TMED10: variants seen among roughly 807,000 people sequenced by gnomAD.
TMED10 encodes transmembrane emp24 domain-containing protein 10.
Under a neutral mutation model 23.1 loss-of-function variants are expected in TMED10, and 7 were observed. That is an observed-to-expected ratio of 0.30 (90% CI 0.17 to 0.57). TMED10 has a LOEUF of 0.57. TMED10 is among the 20% of genes least tolerant of loss of function. TMED10 has a pLI of 0.91. For missense variants in TMED10, 162 were observed against 274.8 expected, an observed-to-expected ratio of 0.59 and a Z score of 2.90; for synonymous variants, 113 against 106.9, an observed-to-expected ratio of 1.06 and a Z score of -0.35.
At chr14:75,144,608 G>C (rs909594906) in intron 3 of TMED10, among the ~76,000 whole-genome samples, 1 of 152,168 alleles carries the variant, frequency 6.6e-6, no homozygotes, top group Admixed American at 6.5e-5. Flanking sequence ...TCAGAATTAT[G>C]AGTCCACAGA....
At position 75,138,825 on chromosome 14, in the gene TMED10, T is replaced by TTA. The variant is rs1555355602; in HGVS notation, c.412-2940_412-2939insTA. ...CAGCCTTTGCTTCTTTTTTTTTTTTTTTTTTTTATTTTTGTTGTTGTTGTT... is the reference window on the plus strand; with the variant it reads ...CAGCCTTTGCTTCTTTTTTTTTTTTTTATTTTTTTATTTTTGTTGTTGTTGTT... On this transcript the variant is annotated intron_variant, in intron 3 of 4. Coordinates refer to ENST00000303575, the MANE Select transcript of TMED10 (RefSeq NM_006827.6). Among the ~76,000 whole-genome samples the TTA allele has an allele frequency of 1.1e-3, 162 of 141,684 alleles. 2 individuals are homozygous for TTA. The highest frequency in any genetic ancestry group is 1.7e-3 in the Admixed American group (24 of 14,372). 93.0% of individuals were successfully genotyped at this position (141,684 alleles called of 152,430 possible).
intron 2 of TMED10, 134 bp from the exon 3 acceptor site, chr14:75,147,871 G>A (rs1381225850): frequency 1.3e-6 from 1 of 762,158 alleles, no homozygotes; most frequent in East Asian, 2.8e-5. Context: ...TCCTCCCCCT[G>A]CTCAGTTGCA....
intron 1 of TMED10, chr14:75,175,857 C>CA (rs1257259973): frequency 6.1e-6 from 1 of 162,780 alleles, no homozygotes; most frequent in Non-Finnish European, 1.3e-5. Flanking sequence ...CTACCTACTT[C>CA]ATAGGGTAGT....
rs185704078 is a variant in TMED10 at position 75,141,721 on chromosome 14, T to C, written c.412-5835A>G. 8.6e-3 allele frequency among the ~76,000 whole-genome samples: 1,312 copies of C among 152,312 alleles called. 8 individuals carry two copies. The highest frequency in any genetic ancestry group is 0.013 in the Non-Finnish European group (890 of 68,028). On this transcript the variant is annotated intron_variant, in intron 3 of 4. Coordinates refer to ENST00000303575, the MANE Select transcript of TMED10 (RefSeq NM_006827.6). ...TAGAAATTTAATAAAGAAAACCAGA[T>C]GAGTATACTAAGTTTTTCCTGAATC...
intron 1 of TMED10, among the ~76,000 whole-genome samples, chr14:75,154,401 C>CA (rs1166201835): frequency 0.38 from 5,824 of 15,164 alleles, 2,647 homozygotes; most frequent in South Asian, 0.44. Flanking sequence ...GACTCTGTCT[C>CA]AAAAAAAAAA....
chr14:75,165,801 A>C (rs554682854), intron 1 of TMED10, among the ~76,000 whole-genome samples: 1 of 152,334 alleles, frequency 6.6e-6, no homozygotes, highest in Non-Finnish European at 1.5e-5. Flanking sequence ...ATAGTACATA[A>C]GTATTGCTTA....
rs1371424139 is a variant in TMED10 at position 75,147,736 on chromosome 14, T to A, written c.339A>T (p.Gly113=). Residue 113 remains glycine (G), a splice_region_variant and synonymous_variant, in exon 3 of 5, where the codon GGA becomes GGT. Coordinates refer to ENST00000303575, the MANE Select transcript of TMED10 (RefSeq NM_006827.6). ...DMFEVCFESK[G]TGRIPDQLVI... Reference sequence around the variant, plus strand: ...CGAGTTGGTCAGGTATCCGCCCTGTTCCTGAGAAAGAAATCAAAGGAATCA... The same window carrying A: ...CGAGTTGGTCAGGTATCCGCCCTGTACCTGAGAAAGAAATCAAAGGAATCA... The A allele has an allele frequency of 1.2e-6, 2 of 1,613,960 alleles. No homozygotes were observed. Among genetic ancestry groups the A allele is most frequent in the East Asian group, 4.5e-5 (2 of 44,894 alleles).
chr14:75,136,217 G>A (rs1895747861), intron 3 of TMED10, among the ~76,000 whole-genome samples: 2 of 151,806 alleles, frequency 1.3e-5, no homozygotes, highest in East Asian at 1.9e-4. Flanking sequence ...GGAGTGCAGT[G>A]GCACAGTCTT....
At chr14:75,147,311 C>T (rs192590498) in intron 3 of TMED10, among the ~76,000 whole-genome samples, 225 of 151,840 alleles carry the variant, frequency 1.5e-3, no homozygotes, top group African/African-American at 5.2e-3. Context: ...GCCTCAGCCT[C>T]CCGAGTAGAC....
intron 4 of TMED10, 58 bp from the exon 5 acceptor site, chr14:75,135,064 A>T: frequency 1.2e-6 from 2 of 1,603,926 alleles, no homozygotes; most frequent in South Asian, 2.2e-5. Flanking sequence ...AGCTGGCTAA[A>T]CAATGGCAGG....
At chr14:75,168,914 A>AG (rs1229107839) in intron 1 of TMED10, among the ~76,000 whole-genome samples, 8 of 152,188 alleles carry the variant, frequency 5.3e-5, no homozygotes, top group African/African-American at 1.9e-4. Context: ...ACTTTTGGTG[A>AG]GGGGGAAAAA....
rs1895708111 is a variant in TMED10 at position 75,133,160 on chromosome 14, T to G, written c.*1725A>C. On this transcript the variant is annotated 3_prime_UTR_variant, in exon 5 of 5. Coordinates refer to ENST00000303575, the MANE Select transcript of TMED10 (RefSeq NM_006827.6). ...CACTGAAGGACAGGAATTAAGTAAG[T>G]GACTGGCCATGCAAGGGTTGGAAAT... The G allele has an allele frequency of 6.6e-6, 1 of 152,200 alleles. No homozygotes were observed. The highest frequency in any genetic ancestry group is 6.5e-5 in the Admixed American group (1 of 15,268). 9.4% of individuals were successfully genotyped at this position (152,200 alleles called of 1,614,324 possible). A position where few individuals can be genotyped will look rare whatever the true frequency, so the allele number is the denominator to read the frequency against.
chr14:75,176,456 T>TG lies in TMED10; in HGVS notation c.123dup (p.Lys42GlnfsTer5). On this transcript the variant is annotated frameshift_variant, in exon 1 of 5. Transcript: ENST00000303575. LOFTEE classifies it high-confidence loss of function. ...TTGTGAATCTCCTCACGGAGGCACT[T>TG]GCGAGAGTTAATGGGCAGATGGAAG... 6.2e-7 allele frequency: 1 copy of TG among 1,614,174 alleles called. No homozygotes were observed. Among genetic ancestry groups the TG allele is most frequent in the Non-Finnish European group, 8.5e-7 (1 of 1,180,024 alleles).
At chr14:75,172,310 T>G (rs2139863933) in intron 1 of TMED10, among the ~76,000 whole-genome samples, 1 of 151,026 alleles carries the variant, frequency 6.6e-6, no homozygotes, top group East Asian at 1.9e-4. Context: ...GAATCATTGT[T>G]CTTTTTTTTT....
At chr14:75,175,739 A>G (rs1896296836) in intron 1 of TMED10, among the ~76,000 whole-genome samples, 1 of 151,968 alleles carries the variant, frequency 6.6e-6, no homozygotes, top group Non-Finnish European at 1.5e-5. Context: ...TTAAAGTATA[A>G]TAATAATTTT....
intron 1 of TMED10, among the ~76,000 whole-genome samples, chr14:75,154,110 C>T (rs1414350502): frequency 6.7e-6 from 1 of 149,588 alleles, no homozygotes; most frequent in Non-Finnish European, 1.5e-5. Flanking sequence ...GGTAGCTCTG[C>T]CAGGTGCAGT....
In TMED10 at chr14:75,143,479, T is replaced by C. The variant is rs1436677983; in HGVS notation, c.411+4185A>G. On this transcript the variant is annotated intron_variant, in intron 3 of 4. Coordinates refer to ENST00000303575, the MANE Select transcript of TMED10 (RefSeq NM_006827.6). Reference sequence around the variant, plus strand: ...TCTAACCTCTAGGGAATCTCTAAATTCTTTTCCTTGGTGGAGCATCAAGAT... The same window carrying C: ...TCTAACCTCTAGGGAATCTCTAAATCCTTTTCCTTGGTGGAGCATCAAGAT... 2.0e-5 allele frequency among the ~76,000 whole-genome samples: 3 copies of C among 152,174 alleles called. No individual in the cohort carries two copies. In the East Asian group the frequency reaches 5.8e-4, roughly 29 times the overall value.
Position 75,176,612 on chromosome 14 carries a change from C to T in TMED10, c.-33G>A, listed in dbSNP as rs747771265. 6 of 1,611,130 alleles carry T rather than the reference C, an allele frequency of 3.7e-6. No homozygotes were observed. The African/African-American group carries it at 6.7e-5, about 18-fold the overall frequency. On this transcript the variant is annotated 5_prime_UTR_variant, in exon 1 of 5. Transcript: ENST00000303575. ...GAGACTCGTTCACCACCGAAGGCCT[C>T]AACCGCGCCGGAACCGGGGGGACCC... is the stretch of plus-strand genomic sequence containing the variant.
Position 75,133,919 on chromosome 14 carries a change from G to C in TMED10, c.*966C>G. ...ATAAAACATTTTTAAAAGAAAAAAAGGAAGAAACTATTCATACATGCAACA... is the reference window on the plus strand; with the variant it reads ...ATAAAACATTTTTAAAAGAAAAAAACGAAGAAACTATTCATACATGCAACA... On this transcript the variant is annotated 3_prime_UTR_variant, in exon 5 of 5. Transcript: ENST00000303575. 3.3e-6 allele frequency: 1 copy of C among 302,734 alleles called. No individual in the cohort carries two copies. Among genetic ancestry groups the C allele is most frequent in the Admixed American group, 5.2e-5 (1 of 19,316 alleles). 18.8% of individuals were successfully genotyped at this position (302,734 alleles called of 1,614,324 possible). A position where few individuals can be genotyped will look rare whatever the true frequency, so the allele number is the denominator to read the frequency against.
Sources: gnomAD v4.1 joint callset for allele counts (sites outside exome capture counted in the v4.1 genomes callset) on GRCh38, gnomAD v4.1.1 for gene constraint, MANE v1.5 for transcripts, NCBI Gene and HGNC (gene_info 2026-07-23, HGNC 2026-07-21) for gene names.